The following TEX2 variants were observed in gnomAD, a reference collection of about 807,000 sequenced individuals.
The protein encoded by TEX2 is testis-expressed protein 2.
TEX2 carries 53 observed loss-of-function variants against 106.9 expected under a neutral mutation model. The observed-to-expected ratio is 0.50, with a 90% confidence interval of 0.40 to 0.62. The LOEUF is 0.62. Ranked by LOEUF, TEX2 falls within the 20% of genes least tolerant of loss-of-function variation. The pLI is 0.00. For missense variants in TEX2, 1,207 were observed against 1,379.0 expected (o/e 0.88, Z 1.98); for synonymous variants, 523 against 534.8 (o/e 0.98, Z 0.30).
chr17:64,196,553 G>A (rs1343772720), intron 2 of TEX2, among the ~76,000 whole-genome samples: 1 of 152,184 alleles, frequency 6.6e-6, no homozygotes, highest in Non-Finnish European at 1.5e-5. Context: ...TGAGCAAGCA[G>A]TGGCCATGGG....
At chr17:64,184,283 G>A (rs552081321) in intron 5 of TEX2, among the ~76,000 whole-genome samples, 2 of 151,116 alleles carry the variant, frequency 1.3e-5, no homozygotes, top group South Asian at 4.2e-4. Flanking sequence ...CTTCTTTTTT[G>A]TAGAGATGGA....
At chr17:64,230,982 T>C (rs2033642414) in intron 1 of TEX2, among the ~76,000 whole-genome samples, 1 of 152,182 alleles carries the variant, frequency 6.6e-6, no homozygotes, top group Non-Finnish European at 1.5e-5. Context: ...CATCTCCCAT[T>C]AACAAATACT....
At chr17:64,164,217 C>T (rs568620688) in intron 7 of TEX2, among the ~76,000 whole-genome samples, 11 of 152,228 alleles carry the variant, frequency 7.2e-5, no homozygotes, top group Non-Finnish European at 1.3e-4. Flanking sequence ...GCAGGCGGAT[C>T]ACTTGAGGCC....
intron 8 of TEX2, among the ~76,000 whole-genome samples, chr17:64,156,835 C>A (rs754384416): frequency 6.6e-6 from 1 of 152,224 alleles, no homozygotes; most frequent in Admixed American, 6.5e-5. Flanking sequence ...ATCTGCTGAG[C>A]CACTGCTCCT....
At chr17:64,244,860 C>A (rs1223364393) in intron 1 of TEX2, among the ~76,000 whole-genome samples, 3 of 152,156 alleles carry the variant, frequency 2.0e-5, no homozygotes, top group African/African-American at 4.8e-5. Flanking sequence ...CTCCCCCCAA[C>A]CCTGGCTGCT....
At chr17:64,204,204 C>T (rs1457078366) in intron 2 of TEX2, among the ~76,000 whole-genome samples, 1 of 152,200 alleles carries the variant, frequency 6.6e-6, no homozygotes, top group Non-Finnish European at 1.5e-5. Context: ...CAAATATATA[C>T]TTTACTTATA....
chr17:64,176,157 C>T (rs2031607748), intron 6 of TEX2, among the ~76,000 whole-genome samples: 1 of 152,168 alleles, frequency 6.6e-6, no homozygotes, highest in African/African-American at 2.4e-5. Context: ...CCTTGAAATC[C>T]ACCCTTCTGG....
intron 1 of TEX2, among the ~76,000 whole-genome samples, chr17:64,260,908 T>C (rs2034277041): frequency 6.6e-6 from 1 of 152,070 alleles, no homozygotes. Flanking sequence ...AATGAATGAA[T>C]TGACAAATGG....
intron 2 of TEX2, among the ~76,000 whole-genome samples, chr17:64,207,927 A>G (rs2032884595): frequency 6.6e-6 from 1 of 151,952 alleles, no homozygotes; most frequent in South Asian, 2.1e-4. Context: ...TAGTAGAGAC[A>G]GGATTTCACT....
chr17:64,190,211 C>T lies in TEX2; in HGVS notation c.2177-1796G>A, dbSNP rs556926061. ...TTTGTAACTTTTATTATCCTTATAC[C>T]GTTTTCATGTTTAGCATTTTTTTAA... On this transcript the variant is annotated intron_variant, in intron 4 of 11. Coordinates refer to ENST00000584379, the MANE Select transcript of TEX2 (RefSeq NM_001288732.2). Among the ~76,000 whole-genome samples, 29 of 152,000 alleles carry T rather than the reference C, an allele frequency of 1.9e-4. 1 individual carries two copies. The South Asian group carries it at 5.8e-3, about 31-fold the overall frequency.
intron 1 of TEX2, among the ~76,000 whole-genome samples, chr17:64,215,366 G>A (rs1248646349): frequency 6.6e-6 from 1 of 152,218 alleles, no homozygotes; most frequent in Non-Finnish European, 1.5e-5. Flanking sequence ...GGAACTGATG[G>A]GTGAGTTGTA....
intron 7 of TEX2, among the ~76,000 whole-genome samples, chr17:64,162,282 T>C (rs1377426877): frequency 6.6e-6 from 1 of 152,190 alleles, no homozygotes; most frequent in Non-Finnish European, 1.5e-5. Flanking sequence ...AATAAAGACA[T>C]TTAGTTTTTA....
intron 1 of TEX2, among the ~76,000 whole-genome samples, chr17:64,233,176 C>A (rs1384832644): frequency 6.6e-6 from 1 of 152,070 alleles, no homozygotes; most frequent in East Asian, 1.9e-4. Flanking sequence ...ACACAACTAC[C>A]CCACCCCCAA....
chr17:64,231,959 C>T (rs182637298), intron 1 of TEX2, among the ~76,000 whole-genome samples: 6 of 152,326 alleles, frequency 3.9e-5, no homozygotes, highest in Admixed American at 2.6e-4. Flanking sequence ...GTGGACTCAC[C>T]GGCATGTTAT....
intron 6 of TEX2, among the ~76,000 whole-genome samples, chr17:64,172,659 CAG>C (rs969722264): frequency 6.6e-6 from 1 of 152,184 alleles, no homozygotes; most frequent in Non-Finnish European, 1.5e-5. Flanking sequence ...TTTGCTGCTC[CAG>C]AGAGAGTAAC....
chr17:64,205,672 T>C lies in TEX2; in HGVS notation c.1644+6902A>G, dbSNP rs2032807908. 6.6e-6 allele frequency among the ~76,000 whole-genome samples: 1 copy of C among 152,218 alleles called. No homozygotes were observed. Among genetic ancestry groups the C allele is most frequent in the Non-Finnish European group, 1.5e-5 (1 of 68,046 alleles). The stretch of plus-strand genomic sequence containing the variant: ...ATGTCCTCCCCCCAAAATTATTCTT[T>C]TATATATCAAAACCAAAGCCTATAT... On this transcript the variant is annotated intron_variant, in intron 2 of 11. Coordinates refer to ENST00000584379, the MANE Select transcript of TEX2 (RefSeq NM_001288732.2). This position sits in a 1 kb window ranked among gnomAD's most constrained non-coding sequence, Gnocchi z 4.0.
chr17:64,208,024 A>T (rs1411297561), intron 2 of TEX2, among the ~76,000 whole-genome samples: 2 of 152,038 alleles, frequency 1.3e-5, no homozygotes, highest in African/African-American at 4.8e-5. Flanking sequence ...GTGAGCCACC[A>T]CACCCGGCCA....
rs782322219 is a variant in TEX2 at position 64,212,724 on chromosome 17, G to C, written c.1494C>G (p.Leu498=). 7 of 1,614,186 alleles carry C rather than the reference G, an allele frequency of 4.3e-6. No homozygotes were observed. The South Asian group carries it at 7.7e-5, about 18-fold the overall frequency. Residue 498 remains leucine (L), a synonymous_variant, in exon 2 of 12, where the codon CTC becomes CTG. Coordinates refer to ENST00000584379, the MANE Select transcript of TEX2 (RefSeq NM_001288732.2). ...ILPLPHYVSG[L]FLGIGLGFMT... ...TGAATCCAAGGCCAATTCCCAGAAA[G>C]AGTCCACTCACATAGTGGGGGAGGG...
chr17:64,155,784 G>A (rs1434474169), intron 8 of TEX2: 3 of 152,360 alleles, frequency 2.0e-5, no homozygotes, highest in Non-Finnish European at 4.4e-5. Flanking sequence ...CCGCAGAGGT[G>A]AGGGGTCCAG....
Sources: allele counts gnomAD v4.1 joint callset (sites outside exome capture counted in the v4.1 genomes callset), GRCh38; gene constraint gnomAD v4.1.1; non-coding constraint Gnocchi (gnomAD v3.1); transcripts MANE v1.5; gene names NCBI Gene and HGNC (gene_info 2026-07-23, HGNC 2026-07-21).